JAM3: variants seen among roughly 807,000 people sequenced by gnomAD.
JAM3 encodes the protein junctional adhesion molecule 3, also known as junctional adhesion molecule C.
JAM3 carries 31 observed loss-of-function variants against 39.4 expected under a neutral mutation model. That is an observed-to-expected ratio of 0.79 (90% CI 0.59 to 1.06). JAM3 has a LOEUF of 1.06. JAM3 is among the 50% of genes least tolerant of loss of function. The pLI, the probability that JAM3 is intolerant of heterozygous loss-of-function variation, is 0.00. For synonymous variants in JAM3, 182 were observed against 148.7 expected (o/e 1.22, Z -1.63); for missense variants, 455 against 391.4 (o/e 1.16, Z -1.37).
At chr11:134,138,472 C>T (rs1350533159) in intron 1 of JAM3, among the ~76,000 whole-genome samples, 5 of 149,586 alleles carry the variant, frequency 3.3e-5, no homozygotes, top group Non-Finnish European at 7.4e-5. Flanking sequence ...GGTGTCTCGT[C>T]GAAGTCGTGG....
At chr11:134,101,943 T>A (rs1457290830) in intron 1 of JAM3, among the ~76,000 whole-genome samples, 2 of 152,150 alleles carry the variant, frequency 1.3e-5, no homozygotes, top group Non-Finnish European at 2.9e-5. Flanking sequence ...ACATCTGTAT[T>A]CCCAAGAGTC....
intron 1 of JAM3, among the ~76,000 whole-genome samples, chr11:134,090,005 C>G (rs942044113): frequency 1.1e-4 from 17 of 152,206 alleles, no homozygotes; most frequent in Non-Finnish European, 2.4e-4. Context: ...GCCATTCTAA[C>G]TGGTGTGAGA....
intron 1 of JAM3, among the ~76,000 whole-genome samples, chr11:134,112,854 GTAGAGCATGAAA>G (rs1942344165): frequency 1.3e-5 from 2 of 152,202 alleles, no homozygotes; most frequent in East Asian, 1.9e-4. Context: ...ATGGAGAGGG[GTAGAGCATGAAA>G]TAGAGCATGA....
chr11:134,148,812 CGAG>C lies in JAM3; in HGVS notation c.896_897+1del, dbSNP rs949126262. The stretch of plus-strand genomic sequence containing the variant: ...ATGGAGTTAACTACATCCGCACTGA[CGAG>C]GAGGTAATCATTTAGTAAACCTGGA... On this transcript the variant is annotated inframe_deletion, in exon 8 of 9. Coordinates refer to ENST00000299106, the MANE Select transcript of JAM3 (RefSeq NM_032801.5). The C allele has an allele frequency of 8.7e-6, 14 of 1,613,880 alleles. No homozygotes were observed. Among genetic ancestry groups the C allele is most frequent in the Admixed American group, 1.7e-5 (1 of 59,998 alleles).
At chr11:134,119,410 C>G (rs1316336043) in intron 1 of JAM3, among the ~76,000 whole-genome samples, 1 of 152,232 alleles carries the variant, frequency 6.6e-6, no homozygotes, top group Non-Finnish European at 1.5e-5. Context: ...AATGTCTATA[C>G]AGTGAAATGA....
At chr11:134,106,654 A>G (rs1275930128) in intron 1 of JAM3, among the ~76,000 whole-genome samples, 2 of 152,106 alleles carry the variant, frequency 1.3e-5, no homozygotes, top group Non-Finnish European at 2.9e-5. Flanking sequence ...AAAAAACCTC[A>G]TCAACAAATG....
At chr11:134,117,241 G>A (rs1229441089) in intron 1 of JAM3, among the ~76,000 whole-genome samples, 2 of 152,106 alleles carry the variant, frequency 1.3e-5, no homozygotes, top group African/African-American at 4.8e-5. Flanking sequence ...ACCGGGGATG[G>A]TGGTGGGCAC....
At chr11:134,122,731 C>G (rs1942560420) in intron 1 of JAM3, among the ~76,000 whole-genome samples, 1 of 152,238 alleles carries the variant, frequency 6.6e-6, no homozygotes, top group African/African-American at 2.4e-5. Context: ...ACAAGCATTT[C>G]TCAAGTCGAA....
At chr11:134,146,855 C>A (rs149934079) in intron 6 of JAM3, among the ~76,000 whole-genome samples, 1 of 152,340 alleles carries the variant, frequency 6.6e-6, no homozygotes, top group East Asian at 1.9e-4. Context: ...GCATGAGCCA[C>A]TGTGCCCAGC....
intron 1 of JAM3, chr11:134,070,080 A>C (rs1419865435): frequency 6.7e-6 from 3 of 446,208 alleles, no homozygotes; most frequent in Non-Finnish European, 1.3e-5. Flanking sequence ...TCCTTTAGTG[A>C]GCTTGTACTG....
At chr11:134,138,744 C>G (rs1942919510) in intron 1 of JAM3, among the ~76,000 whole-genome samples, 1 of 152,152 alleles carries the variant, frequency 6.6e-6, no homozygotes, top group South Asian at 2.1e-4. Flanking sequence ...TTTTAGGAAC[C>G]AATAGCAATT....
chr11:134,129,737 T>TA (rs1331186072), intron 1 of JAM3, among the ~76,000 whole-genome samples: 12 of 152,310 alleles, frequency 7.9e-5, no homozygotes, highest in African/African-American at 2.9e-4. Flanking sequence ...CGTGATGGCT[T>TA]ACGCCTGTAA....
At chr11:134,142,159 CT>C (rs1358189029) in intron 3 of JAM3, among the ~76,000 whole-genome samples, 1 of 152,072 alleles carries the variant, frequency 6.6e-6, no homozygotes, top group Admixed American at 6.6e-5. Flanking sequence ...AAGAACTTTC[CT>C]TTTCTGGGGA....
intron 1 of JAM3, among the ~76,000 whole-genome samples, chr11:134,075,294 T>G (rs1231736802): frequency 6.6e-6 from 1 of 152,136 alleles, no homozygotes; most frequent in South Asian, 2.1e-4. Context: ...GCTGGACTTG[T>G]ACAGATAATT....
intron 1 of JAM3, among the ~76,000 whole-genome samples, chr11:134,128,246 T>G (rs528190914): frequency 6.6e-6 from 1 of 152,324 alleles, no homozygotes; most frequent in Non-Finnish European, 1.5e-5. Context: ...AATCCTTTGT[T>G]ATTTCTGCTC....
intron 1 of JAM3, among the ~76,000 whole-genome samples, chr11:134,123,341 A>G (rs1261577289): frequency 2.0e-5 from 3 of 152,124 alleles, no homozygotes; most frequent in Admixed American, 2.0e-4. Context: ...AGGGACATGT[A>G]GGAGAGGAAG....
intron 1 of JAM3, among the ~76,000 whole-genome samples, chr11:134,109,603 G>A (rs1017691614): frequency 3.3e-5 from 5 of 152,122 alleles, no homozygotes; most frequent in African/African-American, 9.7e-5. Context: ...GGACATGCCC[G>A]GAAGAATAAA....
In JAM3 at chr11:134,150,451, C is replaced by T. The variant is rs1201299804; in HGVS notation, c.*1270C>T. 2.0e-5 allele frequency: 3 copies of T among 152,256 alleles called. No homozygotes were observed. The highest frequency in any genetic ancestry group is 2.0e-4 in the Admixed American group (3 of 15,292). 9.4% of individuals were successfully genotyped at this position (152,256 alleles called of 1,614,324 possible). ...CTCGCTGTCTGCCAGGAGGCCCTGC[C>T]ATCCTTGGGCCCTGGCAGTGGCTGT... On this transcript the variant is annotated 3_prime_UTR_variant, in exon 9 of 9. Transcript: ENST00000299106.
Position 134,151,598 on chromosome 11 carries a change from T to A in JAM3, c.*2417T>A, listed in dbSNP as rs1943238225. On this transcript the variant is annotated 3_prime_UTR_variant, in exon 9 of 9. Coordinates refer to ENST00000299106, the MANE Select transcript of JAM3 (RefSeq NM_032801.5). ...ACGGAAAAGGAATACTCGTGTATTT[T>A]AAGATATGAATGTGACTCAAGACTC... The A allele has an allele frequency of 6.6e-6, 1 of 152,214 alleles. No homozygotes were observed. Among genetic ancestry groups the A allele is most frequent in the Admixed American group, 6.5e-5 (1 of 15,282 alleles). 9.4% of individuals were successfully genotyped at this position (152,214 alleles called of 1,614,324 possible).
Sources: allele counts gnomAD v4.1 joint callset (sites outside exome capture counted in the v4.1 genomes callset), GRCh38; gene constraint gnomAD v4.1.1; transcripts MANE v1.5; gene names NCBI Gene and HGNC (gene_info 2026-07-23, HGNC 2026-07-21).